CACNB2: variants seen among roughly 807,000 people sequenced by gnomAD.
The protein encoded by CACNB2 is calcium voltage-gated channel auxiliary subunit beta 2, also known as voltage-dependent L-type calcium channel subunit beta-2.
Under a neutral mutation model 73.3 loss-of-function variants are expected in CACNB2, and 42 were observed. That is an observed-to-expected ratio of 0.57 (90% CI 0.45 to 0.74). The LOEUF (loss-of-function observed/expected upper bound fraction) is 0.74. Ranked by LOEUF, CACNB2 falls within the 30% of genes least tolerant of loss-of-function variation. The pLI, the probability that CACNB2 is intolerant of heterozygous loss-of-function variation, is 0.00. For synonymous variants in CACNB2, 348 were observed against 310.3 expected, an observed-to-expected ratio of 1.12 and a Z score of -1.28; for missense variants, 940 against 853.0, an observed-to-expected ratio of 1.10 and a Z score of -1.27.
chr10:18,308,093 A>G (rs1031238926), intron 2 of CACNB2, among the ~76,000 whole-genome samples: 3 of 144,816 alleles, frequency 2.1e-5, no homozygotes, highest in Admixed American at 7.3e-5. Context: ...TCCCAGGTTC[A>G]AGCGATTCTC....
chr10:18,261,294 C>T (rs1163058545), intron 2 of CACNB2: 5 of 1,551,350 alleles, frequency 3.2e-6, no homozygotes, highest in South Asian at 1.2e-5. Flanking sequence ...GCTGGTGCAT[C>T]GCCGGCGAGT....
chr10:18,287,215 G>A (rs1333780902), intron 2 of CACNB2, among the ~76,000 whole-genome samples: 1 of 152,032 alleles, frequency 6.6e-6, no homozygotes, highest in Non-Finnish European at 1.5e-5. Context: ...TGTAATCCCA[G>A]CTACTCAGGA....
At chr10:18,432,048 C>A (rs1390962536) in intron 3 of CACNB2, among the ~76,000 whole-genome samples, 3 of 152,170 alleles carry the variant, frequency 2.0e-5, no homozygotes, top group Admixed American at 1.3e-4. Context: ...CAGGCATGAG[C>A]CACCGCACCC....
At chr10:18,235,934 C>A (rs1013119518) in intron 2 of CACNB2, among the ~76,000 whole-genome samples, 1 of 152,104 alleles carries the variant, frequency 6.6e-6, no homozygotes, top group Non-Finnish European at 1.5e-5. Context: ...AGTGATTTCT[C>A]ACAAGACCTG....
chr10:18,330,368 T>C (rs1274270417), intron 2 of CACNB2, among the ~76,000 whole-genome samples: 2 of 152,140 alleles, frequency 1.3e-5, no homozygotes, highest in Non-Finnish European at 2.9e-5. Flanking sequence ...AAAAGTTAGA[T>C]GGCCAGGTGA....
intron 2 of CACNB2, among the ~76,000 whole-genome samples, chr10:18,233,590 C>T (rs1588783724): frequency 6.6e-6 from 1 of 152,148 alleles, no homozygotes. Flanking sequence ...TCTGCCAAAG[C>T]TGTGAATTGA....
intron 2 of CACNB2, among the ~76,000 whole-genome samples, chr10:18,280,380 CA>C (rs1486981163): frequency 6.6e-6 from 1 of 152,146 alleles, no homozygotes; most frequent in Non-Finnish European, 1.5e-5. Flanking sequence ...AATTGAGGCA[CA>C]AGGGCACTGT....
At chr10:18,365,123 T>G (rs780424650) in intron 2 of CACNB2, among the ~76,000 whole-genome samples, 2 of 152,190 alleles carry the variant, frequency 1.3e-5, no homozygotes, top group Admixed American at 6.5e-5. Flanking sequence ...ACTGACTGAG[T>G]TGATAGTTAA....
At chr10:18,258,910 A>G (rs1485010034) in intron 2 of CACNB2, among the ~76,000 whole-genome samples, 15 of 148,854 alleles carry the variant, frequency 1.0e-4, no homozygotes, top group African/African-American at 3.7e-4. Context: ...TTTTTCCAGG[A>G]TGTACTTCAA....
intron 3 of CACNB2, among the ~76,000 whole-genome samples, chr10:18,467,011 G>A (rs1330655425): frequency 2.0e-5 from 3 of 151,926 alleles, no homozygotes; most frequent in South Asian, 4.2e-4. Flanking sequence ...AAAATTAGCC[G>A]GGCATGGTGG....
At chr10:18,357,343 C>G (rs80119850) in intron 2 of CACNB2, among the ~76,000 whole-genome samples, 7,111 of 152,178 alleles carry the variant, frequency 0.047, 222 homozygotes, top group Non-Finnish European at 0.072. Context: ...TTTTAAAAAC[C>G]ATTTGGGTCA....
At chr10:18,180,866 TGA>T (rs1200847511) in intron 2 of CACNB2, among the ~76,000 whole-genome samples, 1 of 151,888 alleles carries the variant, frequency 6.6e-6, no homozygotes, top group East Asian at 1.9e-4. Flanking sequence ...CTCAGGAGGC[TGA>T]GACAGGAACA....
At chr10:18,423,393 G>T (rs140923102) in intron 3 of CACNB2, among the ~76,000 whole-genome samples, 7 of 152,318 alleles carry the variant, frequency 4.6e-5, no homozygotes, top group African/African-American at 1.7e-4. Context: ...GGAAGATATA[G>T]TAGGAGGTGG....
chr10:18,411,898 C>T (rs543759561), intron 3 of CACNB2, among the ~76,000 whole-genome samples: 2 of 152,306 alleles, frequency 1.3e-5, no homozygotes, highest in South Asian at 4.1e-4. Flanking sequence ...TCCTTACTCT[C>T]GAAGTTCTTG....
intron 9 of CACNB2, among the ~76,000 whole-genome samples, chr10:18,522,237 T>C (rs1016536759): frequency 6.6e-6 from 1 of 152,030 alleles, no homozygotes; most frequent in Non-Finnish European, 1.5e-5. Context: ...TTCTACATTA[T>C]GGTGAGTTGT....
At chr10:18,174,593 G>A (rs562397084) in intron 2 of CACNB2, among the ~76,000 whole-genome samples, 25 of 151,894 alleles carry the variant, frequency 1.6e-4, no homozygotes, top group Non-Finnish European at 2.4e-4. Flanking sequence ...TAGTAGAGAC[G>A]GGGTTTCACC....
At chr10:18,496,539 G>A (rs925689121) in intron 3 of CACNB2, among the ~76,000 whole-genome samples, 6 of 152,256 alleles carry the variant, frequency 3.9e-5, no homozygotes, top group Admixed American at 2.0e-4. Flanking sequence ...TAAGCCGGAC[G>A]CGGTGGCTCA....
intron 2 of CACNB2, among the ~76,000 whole-genome samples, chr10:18,306,003 G>C (rs1429563636): frequency 6.6e-6 from 1 of 152,108 alleles, no homozygotes; most frequent in Non-Finnish European, 1.5e-5. Context: ...AGTTGTCAAG[G>C]AGGTCAGACA....
chr10:18,395,498 T>G (rs985845795), intron 2 of CACNB2, among the ~76,000 whole-genome samples: 1 of 152,190 alleles, frequency 6.6e-6, no homozygotes, highest in African/African-American at 2.4e-5. Flanking sequence ...GACAGAAAGC[T>G]TTAATCTTTT....
Sources: allele counts gnomAD v4.1 joint callset (sites outside exome capture counted in the v4.1 genomes callset), GRCh38; gene constraint gnomAD v4.1.1; transcripts MANE v1.5; gene names NCBI Gene and HGNC (gene_info 2026-07-23, HGNC 2026-07-21).